SLIT2: variants seen among roughly 807,000 people sequenced by gnomAD.
SLIT2 encodes slit homolog 2 protein.
A neutral mutation model predicts 185.7 loss-of-function variants in SLIT2; 41 were observed. The observed-to-expected ratio is 0.22, with a 90% confidence interval of 0.17 to 0.29. SLIT2 has a LOEUF of 0.29. Ranked by LOEUF, SLIT2 falls within the 10% of genes least tolerant of loss-of-function variation. SLIT2 has a pLI of 1.00. For synonymous variants in SLIT2, 693 were observed against 680.2 expected, an observed-to-expected ratio of 1.02 and a Z score of -0.29; for missense variants, 1,571 against 1,909.0, an observed-to-expected ratio of 0.82 and a Z score of 3.30.
chr4:20,475,735 A>G (rs1321316040), intron 5 of SLIT2, among the ~76,000 whole-genome samples: 1 of 152,102 alleles, frequency 6.6e-6, no homozygotes, highest in African/African-American at 2.4e-5. Context: ...TTCAGTTTCT[A>G]CCACTTTTGA....
Position 20,546,063 on chromosome 4 carries a change from C to A in SLIT2, c.2309C>A (p.Pro770His). The A allele has an allele frequency of 6.3e-7, 1 of 1,586,628 alleles. No homozygotes were observed. The highest frequency in any genetic ancestry group is 1.3e-5 in the African/African-American group (1 of 74,242). The change falls in exon 22 of 37, where the codon CCC becomes CAC. Residue 770 changes from proline to histidine, a missense_variant. Transcript: ENST00000504154. Reference sequence around the variant, plus strand: ...GATGGAAACCAATTTACACTGGTTCCCAAGGAACTCTCCAACTACAAACAT... The same window carrying A: ...GATGGAAACCAATTTACACTGGTTCACAAGGAACTCTCCAACTACAAACAT... ...YLDGNQFTLV[P>H]KELSNYKHLT... is the part of the protein sequence containing the mutation.
chr4:20,400,283 G>A (rs1004589364), intron 4 of SLIT2, among the ~76,000 whole-genome samples: 3 of 151,738 alleles, frequency 2.0e-5, no homozygotes, highest in Non-Finnish European at 4.4e-5. Context: ...GTGGAGAAAT[G>A]AGGAGGCAAT....
intron 4 of SLIT2, among the ~76,000 whole-genome samples, chr4:20,285,218 A>T (rs780711670): frequency 6.6e-6 from 1 of 152,212 alleles, no homozygotes; most frequent in Non-Finnish European, 1.5e-5. Flanking sequence ...GGGCGAGATC[A>T]TGGGAGTGAG....
At chr4:20,425,266 CAG>C (rs1285440976) in intron 4 of SLIT2, among the ~76,000 whole-genome samples, 5 of 151,900 alleles carry the variant, frequency 3.3e-5, no homozygotes, top group East Asian at 1.9e-4. Flanking sequence ...TGTATTTTTG[CAG>C]AGTTATTGTT....
chr4:20,557,647 G>A (rs1038031655), intron 26 of SLIT2, among the ~76,000 whole-genome samples: 1 of 152,044 alleles, frequency 6.6e-6, no homozygotes, highest in African/African-American at 2.4e-5. Flanking sequence ...CCATTCTGCA[G>A]CCCATGGATA....
intron 4 of SLIT2, among the ~76,000 whole-genome samples, chr4:20,281,179 G>A (rs1714734202): frequency 6.6e-6 from 1 of 152,194 alleles, no homozygotes; most frequent in Admixed American, 6.5e-5. Flanking sequence ...GCCTTATTAA[G>A]TGGTGATCTT....
intron 11 of SLIT2, among the ~76,000 whole-genome samples, chr4:20,516,286 A>G (rs970094884): frequency 2.6e-5 from 4 of 152,206 alleles, no homozygotes; most frequent in African/African-American, 9.6e-5. Context: ...TTGTTCAAAA[A>G]GACTAGCAAC....
Position 20,533,590 on chromosome 4 carries a change from G to A in SLIT2, c.1707G>A (p.Lys569=). 2 of 1,610,528 alleles carry A rather than the reference G, an allele frequency of 1.2e-6. No homozygotes were observed. Among genetic ancestry groups the A allele is most frequent in the Non-Finnish European group, 1.7e-6 (2 of 1,177,208 alleles). The part of the protein sequence containing the change: ...QLRKINFSNN[K]ITDIEEGAFE... ...TATTTAGAAACTTTAGCAACAATAA[G>A]ATCACAGATATTGAGGAGGGAGCAT... The change falls in exon 18 of 37, where the codon AAG becomes AAA. Residue 569 remains lysine, a synonymous_variant. Transcript: ENST00000504154.
intron 22 of SLIT2, among the ~76,000 whole-genome samples, chr4:20,548,046 A>G (rs535056906): frequency 6.6e-6 from 1 of 152,130 alleles, no homozygotes; most frequent in African/African-American, 2.4e-5. Flanking sequence ...AATGAGGGTA[A>G]AGTATGTGTA....
chr4:20,375,384 C>T (rs576117136), intron 4 of SLIT2, among the ~76,000 whole-genome samples: 8 of 152,068 alleles, frequency 5.3e-5, no homozygotes, highest in African/African-American at 1.7e-4. Flanking sequence ...AATATGTACA[C>T]CTGTCACTTA....
At chr4:20,342,921 C>T (rs1352953390) in intron 4 of SLIT2, among the ~76,000 whole-genome samples, 2 of 151,548 alleles carry the variant, frequency 1.3e-5, no homozygotes, top group Non-Finnish European at 2.9e-5. Flanking sequence ...TCTTTTCTTT[C>T]TTTTTTTCTT....
intron 4 of SLIT2, among the ~76,000 whole-genome samples, chr4:20,322,239 C>G (rs1340884907): frequency 6.6e-6 from 1 of 152,202 alleles, no homozygotes; most frequent in African/African-American, 2.4e-5. Flanking sequence ...CATGACACAA[C>G]TTCAGGAGAT....
chr4:20,326,004 T>C (rs1719555020), intron 4 of SLIT2, among the ~76,000 whole-genome samples: 1 of 152,144 alleles, frequency 6.6e-6, no homozygotes. Flanking sequence ...CTTTTCTTAG[T>C]TAAGTGTTTC....
chr4:20,292,513 CACTGAG>C (rs1716054593), intron 4 of SLIT2, among the ~76,000 whole-genome samples: 1 of 152,040 alleles, frequency 6.6e-6, no homozygotes, highest in Non-Finnish European at 1.5e-5. Context: ...GGAGAAGGAG[CACTGAG>C]ACGGAGAAGG....
At chr4:20,285,406 G>A (rs1267752216) in intron 4 of SLIT2, among the ~76,000 whole-genome samples, 1 of 152,142 alleles carries the variant, frequency 6.6e-6, no homozygotes, top group Non-Finnish European at 1.5e-5. Context: ...GACTACTCAG[G>A]TGATCTCATT....
At chr4:20,537,480 C>T (rs779893668) in intron 18 of SLIT2, among the ~76,000 whole-genome samples, 2 of 152,138 alleles carry the variant, frequency 1.3e-5, no homozygotes, top group Non-Finnish European at 2.9e-5. Flanking sequence ...CCCGAAACAC[C>T]ACCTCAAGGA....
chr4:20,434,266 T>C (rs1291110235), intron 4 of SLIT2, among the ~76,000 whole-genome samples: 1 of 151,936 alleles, frequency 6.6e-6, no homozygotes, highest in African/African-American at 2.4e-5. Flanking sequence ...GGCCAGCAGA[T>C]CACGTGAGGT....
At chr4:20,366,991 G>A (rs570797051) in intron 4 of SLIT2, among the ~76,000 whole-genome samples, 1 of 152,038 alleles carries the variant, frequency 6.6e-6, no homozygotes, top group East Asian at 1.9e-4. Context: ...CAGAGACAGT[G>A]TCTTCCTCTG....
At chr4:20,353,535 C>A (rs998061369) in intron 4 of SLIT2, among the ~76,000 whole-genome samples, 1 of 149,900 alleles carries the variant, frequency 6.7e-6, no homozygotes, top group African/African-American at 2.5e-5. Flanking sequence ...TTAAAAAAAA[C>A]AAAAAGCGGT....
Sources: allele counts gnomAD v4.1 joint callset (sites outside exome capture counted in the v4.1 genomes callset), GRCh38; gene constraint gnomAD v4.1.1; transcripts MANE v1.5; gene names NCBI Gene and HGNC (gene_info 2026-07-23, HGNC 2026-07-21).